NXPE2: variants seen among roughly 807,000 people sequenced by gnomAD.
NXPE2 encodes the protein neurexophilin and PC-esterase domain family member 2, also known as NXPE family member 2.
Under a neutral mutation model 34.4 loss-of-function variants are expected in NXPE2, and 34 were observed. The ratio of observed to expected loss-of-function variants is 0.99; its 90% CI spans 0.75 to 1.31. NXPE2 has a LOEUF of 1.31. NXPE2 is among the 40% of genes most tolerant of loss of function. The pLI is 0.00. For synonymous variants in NXPE2, 235 were observed against 231.3 expected, an observed-to-expected ratio of 1.02 and a Z score of -0.15; for missense variants, 649 against 672.5, an observed-to-expected ratio of 0.97 and a Z score of 0.39.
chr11:114,631,173 G>A, the NXPE2 span, among the ~76,000 whole-genome samples: 2 of 151,998 alleles, frequency 1.3e-5, no homozygotes, highest in Non-Finnish European at 2.9e-5. Context: ...CCATTACTGG[G>A]TATATACCCA....
the NXPE2 span, among the ~76,000 whole-genome samples, chr11:114,811,004 C>T: frequency 5.2e-4 from 79 of 152,062 alleles, no homozygotes; most frequent in African/African-American, 1.8e-3. Flanking sequence ...ACTATGCAGC[C>T]ATAAAAAATG....
At chr11:114,648,367 A>G in the NXPE2 span, among the ~76,000 whole-genome samples, 9,008 of 152,270 alleles carry the variant, frequency 0.059, 350 homozygotes, top group East Asian at 0.088. Flanking sequence ...ACAAAAACCC[A>G]TATCTCAGTG....
chr11:114,756,375 G>C, the NXPE2 span, among the ~76,000 whole-genome samples: 1 of 152,168 alleles, frequency 6.6e-6, no homozygotes, highest in African/African-American at 2.4e-5. Context: ...AGGTTGTTGT[G>C]AGGATCAAAT....
the NXPE2 span, among the ~76,000 whole-genome samples, chr11:114,807,732 C>A: frequency 1.6e-4 from 25 of 151,730 alleles, no homozygotes; most frequent in Admixed American, 7.2e-4. Context: ...GACTCCCACA[C>A]AATAATAATG....
chr11:114,731,957 C>T, the NXPE2 span, among the ~76,000 whole-genome samples: 3 of 152,236 alleles, frequency 2.0e-5, no homozygotes, highest in African/African-American at 7.2e-5. Context: ...ATCTGCTAAC[C>T]TACTCTAAAC....
At chr11:114,582,871 T>C in the NXPE2 span, 1 of 1,614,198 alleles carries the variant, frequency 6.2e-7, no homozygotes, top group South Asian at 1.1e-5. Flanking sequence ...CTGGGTGGGA[T>C]CTGCTGATCT....
chr11:114,519,308 C>A, the NXPE2 span, among the ~76,000 whole-genome samples: 1 of 152,138 alleles, frequency 6.6e-6, no homozygotes, highest in African/African-American at 2.4e-5. Context: ...ATGCTGTTCT[C>A]TCATTGGTTC....
At chr11:114,769,818 G>C in the NXPE2 span, among the ~76,000 whole-genome samples, 6 of 152,186 alleles carry the variant, frequency 3.9e-5, no homozygotes, top group East Asian at 9.7e-4. Flanking sequence ...TGTCGGGTTG[G>C]GGGGCTAGGG....
the NXPE2 span, among the ~76,000 whole-genome samples, chr11:114,645,017 A>C: frequency 6.6e-6 from 1 of 151,820 alleles, no homozygotes; most frequent in African/African-American, 2.4e-5. Context: ...AAAAAAAAAA[A>C]CAGGCCGGGC....
the NXPE2 span, among the ~76,000 whole-genome samples, chr11:114,734,143 A>G: frequency 5.3e-3 from 801 of 152,292 alleles, 4 homozygotes; most frequent in African/African-American, 0.019. Flanking sequence ...CTGGGCTTCA[A>G]TTAGGTGTAA....
chr11:114,530,638 C>T, the NXPE2 span: 1 of 1,614,202 alleles, frequency 6.2e-7, no homozygotes. Context: ...TGGTCCCTCA[C>T]CTCCAGTAGG....
chr11:114,658,800 A>G, the NXPE2 span, among the ~76,000 whole-genome samples: 1 of 152,164 alleles, frequency 6.6e-6, no homozygotes, highest in African/African-American at 2.4e-5. Context: ...CTAACCCTAC[A>G]AAATAACACG....
chr11:114,707,056 T>A lies in NXPE2; in HGVS notation c.*126T>A. 1 of 680,708 alleles carries A rather than the reference T, an allele frequency of 1.5e-6. No individual in the cohort carries two copies. The highest frequency in any genetic ancestry group is 2.4e-6 in the Non-Finnish European group (1 of 413,666). 42.2% of individuals were successfully genotyped at this position (680,708 alleles called of 1,614,324 possible). A position where few individuals can be genotyped will look rare whatever the true frequency, so the allele number is the denominator to read the frequency against. ...GAAAAAGTTCTATTAAAGTTAAATA[T>A]ATGTAACATAACATTTACCATTTAA... On this transcript the variant is annotated 3_prime_UTR_variant, in exon 6 of 6. Coordinates refer to ENST00000389586, the MANE Select transcript of NXPE2 (RefSeq NM_182495.6).
the NXPE2 span, among the ~76,000 whole-genome samples, chr11:114,660,424 G>A: frequency 6.6e-6 from 1 of 151,830 alleles, no homozygotes. Context: ...GACAAAGTGA[G>A]GCTTATCTTG....
At chr11:114,785,207 A>G in the NXPE2 span, among the ~76,000 whole-genome samples, 2 of 152,032 alleles carry the variant, frequency 1.3e-5, no homozygotes, top group African/African-American at 4.8e-5. Context: ...GTGAAATTAC[A>G]CTCAATGCTG....
the NXPE2 span, among the ~76,000 whole-genome samples, chr11:114,490,352 A>T: frequency 6.6e-4 from 100 of 151,490 alleles, no homozygotes; most frequent in African/African-American, 2.2e-3. Context: ...ATTGGAAAAA[A>T]CTAAAGTTCA....
At chr11:114,485,284 C>T in the NXPE2 span, among the ~76,000 whole-genome samples, 3 of 151,826 alleles carry the variant, frequency 2.0e-5, no homozygotes, top group African/African-American at 7.3e-5. Context: ...TCTTGGCTCA[C>T]TGCATCCTCC....
the NXPE2 span, among the ~76,000 whole-genome samples, chr11:114,805,073 G>T: frequency 6.6e-6 from 1 of 152,036 alleles, no homozygotes; most frequent in Non-Finnish European, 1.5e-5. Context: ...AGTCAGATTA[G>T]GTACAATCAG....
chr11:114,743,654 G>A, the NXPE2 span, among the ~76,000 whole-genome samples: 2 of 152,154 alleles, frequency 1.3e-5, no homozygotes, highest in African/African-American at 4.8e-5. Context: ...CTTGGTTAAG[G>A]TGGAACAGTC....
Sources: allele counts gnomAD v4.1 joint callset (sites outside exome capture counted in the v4.1 genomes callset), GRCh38; gene constraint gnomAD v4.1.1; transcripts MANE v1.5; gene names NCBI Gene and HGNC (gene_info 2026-07-23, HGNC 2026-07-21).